The following MRE11 variants were observed in gnomAD, a reference collection of about 807,000 sequenced individuals.
The protein encoded by MRE11 is double-strand break repair protein MRE11.
Under a neutral mutation model 91.7 loss-of-function variants are expected in MRE11, and 62 were observed. That is an observed-to-expected ratio of 0.68 (90% CI 0.55 to 0.84). MRE11 has a LOEUF of 0.84. Ranked by LOEUF, MRE11 falls within the 40% of genes least tolerant of loss-of-function variation. MRE11 has a pLI of 0.00. For synonymous variants in MRE11, 273 were observed against 271.4 expected, an observed-to-expected ratio of 1.01 and a Z score of -0.06; for missense variants, 796 against 852.9, an observed-to-expected ratio of 0.93 and a Z score of 0.83.
intron 3 of MRE11, among the ~76,000 whole-genome samples, chr11:94,487,291 T>C (rs1359983751): frequency 1.3e-5 from 2 of 152,210 alleles, no homozygotes; most frequent in African/African-American, 2.4e-5. Flanking sequence ...CATTCAAACA[T>C]TTAAAAAAAT....
chr11:94,441,794 C>G (rs1945784687), intron 16 of MRE11, among the ~76,000 whole-genome samples: 1 of 151,732 alleles, frequency 6.6e-6, no homozygotes, highest in South Asian at 2.1e-4. Context: ...CTAGCCAACA[C>G]AGTAAAACCG....
At chr11:94,438,553 T>C (rs1457254144) in intron 16 of MRE11, among the ~76,000 whole-genome samples, 1 of 152,234 alleles carries the variant, frequency 6.6e-6, no homozygotes, top group African/African-American at 2.4e-5. Context: ...AAAGAATATT[T>C]CTGTTCAGTA....
At chr11:94,481,333 G>A (rs1253746854) in intron 4 of MRE11, among the ~76,000 whole-genome samples, 1 of 151,856 alleles carries the variant, frequency 6.6e-6, no homozygotes, top group Non-Finnish European at 1.5e-5. Flanking sequence ...AAAGTTAAAT[G>A]TCATGTTATT....
chr11:94,464,210 GAAAGGTTCAAAACCTC>G lies in MRE11; in HGVS notation c.1112_1127del (p.Gly371AlafsTer14), dbSNP rs1169667763. On this transcript the variant is annotated frameshift_variant, in exon 11 of 20. Coordinates refer to ENST00000323929, the MANE Select transcript of MRE11 (RefSeq NM_005591.4). LOFTEE classifies it high-confidence loss of function. ...ATTTCTGGCTAAAGCGAAGAACACT[GAAAGGTTCAAAACCTC>G]CACTATAGTCCACCTGAAAACACAG... 7 of 1,613,820 alleles carry G rather than the reference GAAAGGTTCAAAACCTC, an allele frequency of 4.3e-6. No individual in the cohort carries two copies. The highest frequency in any genetic ancestry group is 1.3e-5 in the African/African-American group (1 of 74,902).
At chr11:94,446,717 T>C (rs920836411) in intron 15 of MRE11, among the ~76,000 whole-genome samples, 3 of 152,246 alleles carry the variant, frequency 2.0e-5, no homozygotes, top group Non-Finnish European at 4.4e-5. Context: ...TGTTAATGAC[T>C]AGTTTTAGGA....
intron 10 of MRE11, among the ~76,000 whole-genome samples, chr11:94,465,006 T>C (rs560480677): frequency 6.6e-6 from 1 of 152,312 alleles, no homozygotes; most frequent in South Asian, 2.1e-4. Context: ...TTATTTGATA[T>C]TTGTGTATCA....
At chr11:94,498,091 C>G (rs2509943), upstream of MRE11, 898,625 of 1,609,474 alleles carry the variant, frequency 0.56, 252,940 homozygotes, top group African/African-American at 0.63. Context: ...TGCGGAGACT[C>G]CTTTCTGAAA....
chr11:94,456,403 G>A, intron 13 of MRE11, 65 bp from the exon 14 acceptor site: 2 of 1,239,776 alleles, frequency 1.6e-6, no homozygotes, highest in Non-Finnish European at 2.4e-6. Flanking sequence ...ATAAAACAAG[G>A]GGCTACAATT....
In MRE11 at chr11:94,478,835, T is replaced by C. The variant is rs778608572; in HGVS notation, c.444A>G (p.Gly148=). Residue 148 remains glycine (G), a synonymous_variant, in exon 6 of 20, where the codon GGA becomes GGG. Coordinates refer to ENST00000323929, the MANE Select transcript of MRE11 (RefSeq NM_005591.4). ...TTGAACGTCCAAAGTGATTTACAAA[T>C]CCAGCACAACTTAAAATGTCCAAGG... is the stretch of plus-strand genomic sequence containing the variant. The part of the protein sequence containing the change: ...LCALDILSCA[G]FVNHFGRSMS... The C allele has an allele frequency of 5.0e-6, 8 of 1,613,850 alleles. No individual in the cohort carries two copies. The highest frequency in any genetic ancestry group is 5.9e-6 in the Non-Finnish European group (7 of 1,179,890).
chr11:94,449,457 C>T (rs1357812730), intron 14 of MRE11, among the ~76,000 whole-genome samples: 2 of 152,224 alleles, frequency 1.3e-5, no homozygotes, highest in Non-Finnish European at 2.9e-5. Context: ...AATCAACACT[C>T]ACGATACTTT....
chr11:94,495,489 G>C (rs141593236), upstream of MRE11, among the ~76,000 whole-genome samples: 462 of 152,266 alleles, frequency 3.0e-3, 2 homozygotes, highest in African/African-American at 9.5e-3. Context: ...TAAATGAGAG[G>C]ATCAAGAAAG....
At chr11:94,502,986 T>C in the MRE11 span, among the ~76,000 whole-genome samples, 1 of 152,164 alleles carries the variant, frequency 6.6e-6, no homozygotes, top group Non-Finnish European at 1.5e-5. Flanking sequence ...CTAAATCTAT[T>C]AATTATATTC....
chr11:94,422,367 G>A (rs1295778066), intron 19 of MRE11, among the ~76,000 whole-genome samples: 10 of 151,988 alleles, frequency 6.6e-5, no homozygotes, highest in Admixed American at 3.9e-4. Flanking sequence ...AGAACATTTC[G>A]GACAATGCCT....
chr11:94,471,070 C>T (rs1281746144), intron 8 of MRE11, among the ~76,000 whole-genome samples: 2 of 151,892 alleles, frequency 1.3e-5, no homozygotes, highest in Admixed American at 1.3e-4. Context: ...TATTCTTTAA[C>T]CCTATTATCA....
intron 4 of MRE11, among the ~76,000 whole-genome samples, chr11:94,482,141 G>A (rs904368844): frequency 3.9e-5 from 6 of 152,168 alleles, no homozygotes; most frequent in African/African-American, 7.2e-5. Context: ...TAAGAACAAT[G>A]AGAAAATCTT....
At chr11:94,487,034 TGAG>T (rs1947159772) in intron 3 of MRE11, among the ~76,000 whole-genome samples, 1 of 152,154 alleles carries the variant, frequency 6.6e-6, no homozygotes, top group Non-Finnish European at 1.5e-5. Flanking sequence ...GAACACTATT[TGAG>T]TAAAAGGAAG....
chr11:94,453,047 T>C (rs1946154174), intron 14 of MRE11, among the ~76,000 whole-genome samples: 1 of 152,222 alleles, frequency 6.6e-6, no homozygotes, highest in Non-Finnish European at 1.5e-5. Context: ...ATCTGATTAC[T>C]CTAGGTACCT....
chr11:94,435,947 G>T, intron 17 of MRE11, 48 bp from the exon 18 acceptor site: 2 of 1,457,696 alleles, frequency 1.4e-6, no homozygotes, highest in Non-Finnish European at 1.9e-6. Context: ...AATAGACTCT[G>T]AATAAAAATG....
chr11:94,474,525 A>C (rs1250634203), intron 7 of MRE11, among the ~76,000 whole-genome samples: 2 of 152,142 alleles, frequency 1.3e-5, no homozygotes, highest in African/African-American at 4.8e-5. Context: ...AGAATGAAGG[A>C]AATCAAAACT....
Sources: gnomAD v4.1 joint callset for allele counts (sites outside exome capture counted in the v4.1 genomes callset) on GRCh38, gnomAD v4.1.1 for gene constraint, MANE v1.5 for transcripts, NCBI Gene and HGNC (gene_info 2026-07-23, HGNC 2026-07-21) for gene names.